Variants in PPP1R10 observed in about 807,000 individuals in gnomAD.
The protein encoded by PPP1R10 is protein phosphatase 1 regulatory subunit 10.
Under a neutral mutation model 99.0 loss-of-function variants are expected in PPP1R10, and 15 were observed. That is an observed-to-expected ratio of 0.15 (90% CI 0.10 to 0.23). The LOEUF is 0.23. Ranked by LOEUF, PPP1R10 falls within the 10% of genes least tolerant of loss-of-function variation. PPP1R10 has a pLI of 1.00. For synonymous variants in PPP1R10, 430 were observed against 449.5 expected (o/e 0.96, Z 0.55); for missense variants, 947 against 1,259.4 (o/e 0.75, Z 3.75).
intron 2 of PPP1R10, among the ~76,000 whole-genome samples, chr6:30,615,147 T>C (rs887909720): frequency 1.3e-5 from 2 of 151,828 alleles, no homozygotes; most frequent in Non-Finnish European, 2.9e-5. Context: ...GACGCCATTT[T>C]GTAATGGAGA....
rs201665750 is a variant in PPP1R10, at chr6:30,611,325, A to AACAG, written c.-11-1371_-11-1370insCTGT. Among the ~76,000 whole-genome samples, 642 of 152,238 alleles carry AACAG rather than the reference A, an allele frequency of 4.2e-3. 5 individuals are homozygous for AACAG. The highest frequency in any genetic ancestry group is 0.015 in the African/African-American group (626 of 41,516). On this transcript the variant is annotated intron_variant, in intron 2 of 19. Transcript: ENST00000376511. ...ACGCTGCCTCAAAAACAAACAAACAAAAAACCACCAAAAAAGAAAGCCACT... is the reference window on the plus strand; with the variant it reads ...ACGCTGCCTCAAAAACAAACAAACAAACAGAAAACCACCAAAAAAGAAAGCCACT...
intron 5 of PPP1R10, 46 bp from the exon 6 acceptor site, chr6:30,607,937 T>A: frequency 6.3e-7 from 1 of 1,581,124 alleles, no homozygotes; most frequent in Non-Finnish European, 8.7e-7. Flanking sequence ...AGGAGGCAAA[T>A]AATTCCACTT....
Position 30,601,025 on chromosome 6 carries a change from A to G in PPP1R10, c.*524T>C, listed in dbSNP as rs1803257244. ...GAGGGGTGGGGATGATGTGTGTTCC[A>G]GAACTCAAATCCAGCTGATTGAGCC... is the stretch of plus-strand genomic sequence containing the variant. On this transcript the variant is annotated 3_prime_UTR_variant, in exon 20 of 20. Transcript: ENST00000376511. 2 of 153,866 alleles carry G rather than the reference A, an allele frequency of 1.3e-5. No individual in the cohort carries two copies. 9.5% of individuals were successfully genotyped at this position (153,866 alleles called of 1,614,324 possible).
Position 30,612,802 on chromosome 6 carries a change from T to G in PPP1R10, c.-11-2847A>C, listed in dbSNP as rs563400286. Among the ~76,000 whole-genome samples, 3 of 152,112 alleles carry G rather than the reference T, an allele frequency of 2.0e-5. No homozygotes were observed. In the East Asian group the frequency reaches 5.8e-4, roughly 29 times the overall value. On this transcript the variant is annotated intron_variant, in intron 2 of 19. Coordinates refer to ENST00000376511, the MANE Select transcript of PPP1R10 (RefSeq NM_002714.4). ...TGGAAAGGAATGTAAAGTCCAACAT[T>G]TCGGGCACAGGGCTACAGCAGAGAA...
chr6:30,615,492 T>C (rs1297861359), intron 2 of PPP1R10, among the ~76,000 whole-genome samples: 1 of 151,822 alleles, frequency 6.6e-6, no homozygotes, highest in Non-Finnish European at 1.5e-5. Flanking sequence ...GGAAAAAAAA[T>C]GGGTCAAGAC....
chr6:30,612,989 G>C (rs1000899909), intron 2 of PPP1R10, among the ~76,000 whole-genome samples: 8 of 152,118 alleles, frequency 5.3e-5, no homozygotes, highest in Non-Finnish European at 1.2e-4. Context: ...CTATTTTCTT[G>C]ACTGCAGAAC....
Position 30,609,781 on chromosome 6 carries a change from G to A in PPP1R10, c.107+57C>T. 1 of 1,474,864 alleles carries A rather than the reference G, an allele frequency of 6.8e-7. No individual in the cohort carries two copies. Among genetic ancestry groups the A allele is most frequent in the Non-Finnish European group, 9.5e-7 (1 of 1,053,420 alleles). 91.4% of individuals were successfully genotyped at this position (1,474,864 alleles called of 1,614,324 possible). A position where few individuals can be genotyped will look rare whatever the true frequency, so the allele number is the denominator to read the frequency against. On this transcript the variant is annotated intron_variant, in intron 3 of 19. Coordinates refer to ENST00000376511, the MANE Select transcript of PPP1R10 (RefSeq NM_002714.4). The surrounding 1 kb of genome is among the most constrained non-coding windows in gnomAD (Gnocchi z 4.5). ...TCCAGTGTGCCTCAACTGCAGCCAT[G>A]TTTTAACACACAATATTCTCTACTC...
At chr6:30,614,003 A>G (rs1804821434) in intron 2 of PPP1R10, among the ~76,000 whole-genome samples, 1 of 152,244 alleles carries the variant, frequency 6.6e-6, no homozygotes, top group South Asian at 2.1e-4. Context: ...CCAGGTCACC[A>G]GAGGGCAGTT....
In PPP1R10 at chr6:30,602,111, A is replaced by G. The variant is rs1803384183; in HGVS notation, c.2538T>C (p.Arg846=). ...CCCCGTGTCCAGGGCCTTCATGGGG[A>G]CGATGTCCACCACTTCCACCCATGC... ...GGSMGGSGGH[R]PHEGPGHGGP... Residue 846 remains arginine (R), a synonymous_variant, in exon 19 of 20, where the codon CGT becomes CGC. Coordinates refer to ENST00000376511, the MANE Select transcript of PPP1R10 (RefSeq NM_002714.4). The surrounding 1 kb of genome is among the most constrained non-coding windows in gnomAD (Gnocchi z 6.7). 1 of 1,602,110 alleles carries G rather than the reference A, an allele frequency of 6.2e-7. No individual in the cohort carries two copies. The highest frequency in any genetic ancestry group is 8.5e-7 in the Non-Finnish European group (1 of 1,173,616).
Position 30,609,199 on chromosome 6 carries a change from C to T in PPP1R10, c.108-36G>A, listed in dbSNP as rs1368422011. On this transcript the variant is annotated intron_variant, in intron 3 of 19. Coordinates refer to ENST00000376511, the MANE Select transcript of PPP1R10 (RefSeq NM_002714.4). This position sits in a 1 kb window ranked among gnomAD's most constrained non-coding sequence, Gnocchi z 4.5. ...TGAGTTAGGGTTAGAAATGAAGCAG[C>T]CAGTATCTCTTCTCTTAGCAAAAGC... 1.3e-6 allele frequency: 2 copies of T among 1,598,400 alleles called. No individual in the cohort carries two copies. Among genetic ancestry groups the T allele is most frequent in the African/African-American group, 1.3e-5 (1 of 74,572 alleles).
rs1220583651 is a variant in PPP1R10 at position 30,602,049 on chromosome 6, T to G, written c.2600A>C (p.His867Pro). The G allele has an allele frequency of 2.6e-6, 4 of 1,557,696 alleles. No individual in the cohort carries two copies. The African/African-American group carries it at 5.4e-5, about 21-fold the overall frequency. The stretch of plus-strand genomic sequence containing the variant: ...CGGCCCTCGATGGTCATGGCCTCGG[T>G]GACCAGGGACATCATGAGGCCGGTG... ...HGHRPHDVPG[H>P]RGHDHRGPPP... Residue 867 changes from histidine (H) to proline (P), a missense_variant, in exon 19 of 20, where the codon CAC becomes CCC. This residue lies in a region of PPP1R10 where 525 missense variants were observed against 578.8 expected (regional missense o/e 0.91). Transcript: ENST00000376511. This position sits in a 1 kb window ranked among gnomAD's most constrained non-coding sequence, Gnocchi z 6.7.
rs753443362 is a variant in PPP1R10 at position 30,604,753 on chromosome 6, G to T, written c.955-18C>A. 6.2e-7 allele frequency: 1 copy of T among 1,612,802 alleles called. No individual in the cohort carries two copies. On this transcript the variant is annotated intron_variant, in intron 11 of 19. Coordinates refer to ENST00000376511, the MANE Select transcript of PPP1R10 (RefSeq NM_002714.4). This position sits in a 1 kb window ranked among gnomAD's most constrained non-coding sequence, Gnocchi z 7.3. ...GGGCTTGGCTATTGTGAAAGAAAAG[G>T]AAGTTAATGAACTGACTGGAAAGCC...
intron 1 of PPP1R10, 90 bp from the exon 2 acceptor site, chr6:30,617,088 A>C (rs1760679325): frequency 6.6e-6 from 1 of 152,514 alleles, no homozygotes; most frequent in Admixed American, 6.5e-5. Flanking sequence ...GTCCCCAAAC[A>C]AACCTGTGTC....
At position 30,600,859 on chromosome 6, in the gene PPP1R10, C is replaced by T. The variant is rs1240754488; in HGVS notation, c.*690G>A. ...CAGACCAGCACCACCGGTCTCACCT[C>T]TGCCAGCTAAAACTTGCACCGGATG... On this transcript the variant is annotated 3_prime_UTR_variant, in exon 20 of 20. Coordinates refer to ENST00000376511, the MANE Select transcript of PPP1R10 (RefSeq NM_002714.4). The T allele has an allele frequency of 6.5e-6, 1 of 152,732 alleles. No individual in the cohort carries two copies. Among genetic ancestry groups the T allele is most frequent in the Non-Finnish European group, 1.5e-5 (1 of 68,094 alleles). The allele number at this position is 152,732 out of a possible 1,614,324, so 9.5% of individuals were successfully genotyped here.
At chr6:30,617,084 A>C (rs1339671264) in intron 1 of PPP1R10, 86 bp from the exon 2 acceptor site, 1 of 152,472 alleles carries the variant, frequency 6.6e-6, no homozygotes, top group Non-Finnish European at 1.5e-5. Flanking sequence ...TGTTGTCCCC[A>C]AACAAACCTG....
rs1804298537 is a variant in PPP1R10 at position 30,609,243 on chromosome 6, T to C, written c.108-80A>G. 3.1e-6 allele frequency: 4 copies of C among 1,290,514 alleles called. No homozygotes were observed. Among genetic ancestry groups the C allele is most frequent in the Non-Finnish European group, 4.5e-6 (4 of 897,120 alleles). 79.9% of individuals were successfully genotyped at this position (1,290,514 alleles called of 1,614,324 possible). A position where few individuals can be genotyped will look rare whatever the true frequency, so the allele number is the denominator to read the frequency against. The stretch of plus-strand genomic sequence containing the variant: ...CAAAAGCGCCTCTCTGTGAACTGCC[T>C]AGAGATTCCTAATGACTTGGGACTT... On this transcript the variant is annotated intron_variant, in intron 3 of 19. Transcript: ENST00000376511. The surrounding 1 kb of genome is among the most constrained non-coding windows in gnomAD (Gnocchi z 4.5).
At position 30,604,241 on chromosome 6, in the gene PPP1R10, C is replaced by G; in HGVS notation, c.1275G>C (p.Lys425Asn). The G allele has an allele frequency of 1.2e-6, 2 of 1,614,166 alleles. No individual in the cohort carries two copies. The highest frequency in any genetic ancestry group is 2.7e-5 in the African/African-American group (2 of 75,038). ...TAGCCGCCTCACCAAAGTCCTTGATCTTATTCACATTTACTGTCGGCAGGG... is the reference window on the plus strand; with the variant it reads ...TAGCCGCCTCACCAAAGTCCTTGATGTTATTCACATTTACTGTCGGCAGGG... ...LDETERVNVN[K>N]IKDFGEAAKR... is the part of the protein sequence containing the mutation. Residue 425 changes from lysine (K) to asparagine (N), a missense_variant, in exon 14 of 20, where the codon AAG (lysine) becomes AAC (asparagine). Lys to Asn is a moderately conservative substitution (Grantham distance 94). Transcript: ENST00000376511. The surrounding 1 kb of genome is among the most constrained non-coding windows in gnomAD (Gnocchi z 7.3).
At chr6:30,601,701 G>T in intron 19 of PPP1R10, 43 bp from the exon 20 acceptor site, 1 of 1,551,958 alleles carries the variant, frequency 6.4e-7, no homozygotes. Flanking sequence ...AAATAGCTGA[G>T]GGCAATGCCA....
intron 19 of PPP1R10, 34 bp downstream of exon 19, chr6:30,601,902 C>G: frequency 6.8e-7 from 1 of 1,477,280 alleles, no homozygotes; most frequent in Middle Eastern, 1.8e-4. Context: ...ATGGGACAAC[C>G]AAAAGGCATA....
Sources: allele counts gnomAD v4.1 joint callset (sites outside exome capture counted in the v4.1 genomes callset), GRCh38; gene constraint gnomAD v4.1.1; regional missense constraint gnomAD v4.1.1; non-coding constraint Gnocchi (gnomAD v3.1); transcripts MANE v1.5; gene names NCBI Gene and HGNC (gene_info 2026-07-23, HGNC 2026-07-21).